Variants in GALNTL6 observed in about 807,000 individuals in gnomAD.
The protein encoded by GALNTL6 is polypeptide N-acetylgalactosaminyltransferase like 6, also known as polypeptide N-acetylgalactosaminyltransferase-like 6.
A neutral mutation model predicts 73.7 loss-of-function variants in GALNTL6; 46 were observed. The ratio of observed to expected loss-of-function variants is 0.62; its 90% CI spans 0.49 to 0.80. GALNTL6 has a LOEUF of 0.80. GALNTL6 is among the 30% of genes least tolerant of loss of function. The pLI is 0.00. For synonymous variants in GALNTL6, 259 were observed against 263.7 expected, an observed-to-expected ratio of 0.98 and a Z score of 0.17; for missense variants, 604 against 755.0, an observed-to-expected ratio of 0.80 and a Z score of 2.34.
chr4:171,887,127 A>G (rs1190825089), intron 2 of GALNTL6, among the ~76,000 whole-genome samples: 1 of 152,198 alleles, frequency 6.6e-6, no homozygotes, highest in Non-Finnish European at 1.5e-5. Context: ...TTATCACATG[A>G]CAAATGGCAG....
rs544654880 is a variant in GALNTL6 at position 172,835,855 on chromosome 4, G to T, written c.923+22132G>T. On this transcript the variant is annotated intron_variant, in intron 7 of 12. Coordinates refer to ENST00000506823, the MANE Select transcript of GALNTL6 (RefSeq NM_001034845.3). The stretch of plus-strand genomic sequence containing the variant: ...GACGTGTCTCTGAATACATTACTGC[G>T]GTTTGAACATTTTCCCACAGGACTT... Among the ~76,000 whole-genome samples, 8 of 152,110 alleles carry T rather than the reference G, an allele frequency of 5.3e-5. No homozygotes were observed. In the East Asian group the frequency reaches 5.8e-4, roughly 11 times the overall value.
chr4:172,623,354 C>A (rs1405883413), intron 5 of GALNTL6, among the ~76,000 whole-genome samples: 1 of 151,010 alleles, frequency 6.6e-6, no homozygotes, highest in Non-Finnish European at 1.5e-5. Context: ...ATTATGTGAT[C>A]ATATGTATAT....
At chr4:172,943,344 T>G (rs561402552) in intron 9 of GALNTL6, among the ~76,000 whole-genome samples, 1 of 152,298 alleles carries the variant, frequency 6.6e-6, no homozygotes, top group South Asian at 2.1e-4. Flanking sequence ...GTCAAAGGCT[T>G]AAGATTACTG....
intron 7 of GALNTL6, among the ~76,000 whole-genome samples, chr4:172,861,665 C>T (rs753139047): frequency 6.6e-6 from 1 of 152,058 alleles, no homozygotes; most frequent in East Asian, 1.9e-4. Flanking sequence ...TGGGAGGGAC[C>T]CAGTGGGAGG....
intron 2 of GALNTL6, among the ~76,000 whole-genome samples, chr4:172,148,133 A>T (rs1390360220): frequency 6.6e-6 from 1 of 152,190 alleles, no homozygotes; most frequent in East Asian, 1.9e-4. Context: ...AGTATAAATT[A>T]AGCCAACAAT....
intron 5 of GALNTL6, among the ~76,000 whole-genome samples, chr4:172,774,931 G>T (rs1738985327): frequency 1.3e-5 from 2 of 151,112 alleles, no homozygotes; most frequent in African/African-American, 2.4e-5. Context: ...CTGTACTCCA[G>T]CCTGGGTGAC....
chr4:172,572,496 T>C (rs1472282745), intron 5 of GALNTL6, among the ~76,000 whole-genome samples: 1 of 152,172 alleles, frequency 6.6e-6, no homozygotes, highest in East Asian at 1.9e-4. Context: ...ACCTGCAGGC[T>C]GAACCTCTGC....
At chr4:172,802,051 T>A (rs140063591) in intron 5 of GALNTL6, among the ~76,000 whole-genome samples, 210 of 152,338 alleles carry the variant, frequency 1.4e-3, no homozygotes, top group African/African-American at 4.3e-3. Context: ...AATTTATTTA[T>A]TGAAAAAAAT....
chr4:171,953,113 G>GA (rs1009444279), intron 2 of GALNTL6, among the ~76,000 whole-genome samples: 2 of 151,892 alleles, frequency 1.3e-5, no homozygotes, highest in African/African-American at 4.8e-5. Flanking sequence ...GAAAGGCAAT[G>GA]AAAAAAAGGG....
chr4:171,815,633 T>G (rs1396924608), intron 2 of GALNTL6: 2 of 152,228 alleles, frequency 1.3e-5, no homozygotes, highest in African/African-American at 4.8e-5. Context: ...TTTCAGTTAG[T>G]CCTGTGCATC....
chr4:171,909,525 A>G (rs868012685), intron 2 of GALNTL6, among the ~76,000 whole-genome samples: 1 of 152,224 alleles, frequency 6.6e-6, no homozygotes, highest in Admixed American at 6.5e-5. Context: ...ACATAATGTT[A>G]TAGGACACAG....
rs543057085 is a variant in GALNTL6, at chr4:172,186,678, A to C, written c.139-42978A>C. Among the ~76,000 whole-genome samples the C allele has an allele frequency of 7.2e-5, 11 of 152,212 alleles. No individual in the cohort carries two copies. The East Asian group carries it at 2.1e-3, about 29-fold the overall frequency. On this transcript the variant is annotated intron_variant, in intron 2 of 12. Coordinates refer to ENST00000506823, the MANE Select transcript of GALNTL6 (RefSeq NM_001034845.3). ...TGCTAGGTCATAGAAACTAAACACA[A>C]AAGGTCATATACTATATCATTTCAT... is the stretch of plus-strand genomic sequence containing the variant.
At chr4:172,272,436 T>C (rs1244075851) in intron 3 of GALNTL6, among the ~76,000 whole-genome samples, 1 of 152,174 alleles carries the variant, frequency 6.6e-6, no homozygotes, top group Non-Finnish European at 1.5e-5. Flanking sequence ...ACAATATACC[T>C]ATTGCTCCTA....
intron 3 of GALNTL6, among the ~76,000 whole-genome samples, chr4:172,232,200 T>C (rs1406939387): frequency 6.6e-6 from 1 of 152,148 alleles, no homozygotes; most frequent in African/African-American, 2.4e-5. Context: ...TTTGTGCCAT[T>C]GTGTCCCCTC....
intron 2 of GALNTL6, among the ~76,000 whole-genome samples, chr4:171,928,066 A>C (rs1382205704): frequency 6.6e-6 from 1 of 152,194 alleles, no homozygotes; most frequent in Non-Finnish European, 1.5e-5. Flanking sequence ...AAACTGAAAG[A>C]ATGAAGAATC....
chr4:172,895,817 TTTC>T (rs1349424404), intron 8 of GALNTL6, among the ~76,000 whole-genome samples: 3 of 152,192 alleles, frequency 2.0e-5, no homozygotes, highest in Non-Finnish European at 4.4e-5. Context: ...TTGTATTCTT[TTTC>T]TTTTTTCTCT....
intron 5 of GALNTL6, among the ~76,000 whole-genome samples, chr4:172,359,625 C>G (rs112027071): frequency 1.6e-4 from 25 of 152,248 alleles, no homozygotes; most frequent in Non-Finnish European, 2.2e-4. Context: ...GAATTTCAAG[C>G]TTAGATTCCC....
intron 2 of GALNTL6, among the ~76,000 whole-genome samples, chr4:171,989,408 G>A (rs1005149728): frequency 6.6e-6 from 1 of 152,186 alleles, no homozygotes; most frequent in Non-Finnish European, 1.5e-5. Flanking sequence ...TTTTCAATGG[G>A]TTCCTACACA....
At chr4:172,388,942 C>T (rs1743569434) in intron 5 of GALNTL6, among the ~76,000 whole-genome samples, 1 of 151,972 alleles carries the variant, frequency 6.6e-6, no homozygotes, top group Non-Finnish European at 1.5e-5. Context: ...ATATCTATAT[C>T]TATATTTTTG....
Sources: gnomAD v4.1 joint callset for allele counts (sites outside exome capture counted in the v4.1 genomes callset) on GRCh38, gnomAD v4.1.1 for gene constraint, MANE v1.5 for transcripts, NCBI Gene and HGNC (gene_info 2026-07-23, HGNC 2026-07-21) for gene names.